Variants in CSGALNACT1 observed in about 807,000 individuals in gnomAD.
CSGALNACT1 encodes chondroitin sulfate N-acetylgalactosaminyltransferase 1, also known as beta4GalNAcT-1.
In CSGALNACT1, 52 loss-of-function variants were observed where a neutral mutation model predicts 51.0. The ratio of observed to expected loss-of-function variants is 1.02; its 90% CI spans 0.82 to 1.29. The LOEUF is 1.29. Among genes scored for constraint, CSGALNACT1 ranks in the 50% most tolerant of loss-of-function variants. CSGALNACT1 has a pLI of 0.00. For synonymous variants in CSGALNACT1, 341 were observed against 254.4 expected, an observed-to-expected ratio of 1.34 and a Z score of -3.24; for missense variants, 935 against 679.2, an observed-to-expected ratio of 1.38 and a Z score of -4.19.
At chr8:19,424,825 G>T (rs902320123) in intron 6 of CSGALNACT1, among the ~76,000 whole-genome samples, 3 of 152,206 alleles carry the variant, frequency 2.0e-5, no homozygotes, top group Non-Finnish European at 4.4e-5. Context: ...TAGTGTGATG[G>T]TGTGGTTTGG....
chr8:19,404,416 T>A, exon 10 of CSGALNACT1: 1 of 453,164 alleles, frequency 2.2e-6, no homozygotes, highest in Non-Finnish European at 4.4e-6. Context: ...AACCACTCTA[T>A]GTTAACTGTA....
intron 3 of CSGALNACT1, among the ~76,000 whole-genome samples, chr8:19,555,423 A>G (rs1437728082): frequency 6.6e-6 from 1 of 152,192 alleles, no homozygotes; most frequent in Non-Finnish European, 1.5e-5. Context: ...AAACTATCAG[A>G]TGCAGTAAGA....
intron 5 of CSGALNACT1, among the ~76,000 whole-genome samples, chr8:19,455,699 T>C (rs979135505): frequency 2.6e-5 from 4 of 152,226 alleles, no homozygotes; most frequent in Non-Finnish European, 5.9e-5. Context: ...CAGAAATGCC[T>C]TGACTGTGAC....
In CSGALNACT1 at chr8:19,528,538, C is replaced by T. The variant is rs139225916; in HGVS notation, c.-296-22408G>A. On this transcript the variant is annotated intron_variant, in intron 3 of 9. Coordinates refer to ENST00000454498, the Ensembl canonical transcript of CSGALNACT1. ...CCTCTTTACTAATTACAACTTTATCCTCATTCTAGACCCCCATAGTAAGAT... is the reference window on the plus strand; with the variant it reads ...CCTCTTTACTAATTACAACTTTATCTTCATTCTAGACCCCCATAGTAAGAT... Among the ~76,000 whole-genome samples, 19 of 152,244 alleles carry T rather than the reference C, an allele frequency of 1.2e-4. No individual in the cohort carries two copies. The East Asian group carries it at 3.7e-3, about 29-fold the overall frequency.
chr8:19,472,858 T>A (rs2068525668), intron 4 of CSGALNACT1, among the ~76,000 whole-genome samples: 1 of 152,222 alleles, frequency 6.6e-6, no homozygotes, highest in Non-Finnish European at 1.5e-5. Flanking sequence ...ATTTAAAATA[T>A]GGAATAATAC....
At chr8:19,590,783 G>T (rs999727038) in intron 3 of CSGALNACT1, among the ~76,000 whole-genome samples, 2 of 151,246 alleles carry the variant, frequency 1.3e-5, no homozygotes, top group Admixed American at 6.6e-5. Context: ...TCATGTAGCT[G>T]GGATTACAGG....
At chr8:19,666,572 G>A (rs1439173939) in intron 1 of CSGALNACT1, among the ~76,000 whole-genome samples, 1 of 151,412 alleles carries the variant, frequency 6.6e-6, no homozygotes, top group Non-Finnish European at 1.5e-5. Flanking sequence ...GTGAGTGCCT[G>A]TAATCCCAGC....
chr8:19,561,035 A>T (rs1564054946), intron 3 of CSGALNACT1, among the ~76,000 whole-genome samples: 1 of 152,256 alleles, frequency 6.6e-6, no homozygotes, highest in Non-Finnish European at 1.5e-5. Context: ...AGCAAGACTC[A>T]AAAGAACATA....
chr8:19,563,271 C>A (rs2041184552), intron 3 of CSGALNACT1, among the ~76,000 whole-genome samples: 1 of 152,046 alleles, frequency 6.6e-6, no homozygotes, highest in Admixed American at 6.6e-5. Context: ...ACAATCGGGT[C>A]TGTCAGGAGG....
intron 1 of CSGALNACT1, among the ~76,000 whole-genome samples, chr8:19,620,482 G>A (rs1052201785): frequency 3.3e-5 from 5 of 150,976 alleles, no homozygotes; most frequent in African/African-American, 7.3e-5. Flanking sequence ...AGGCTGGCTG[G>A]AGTACAGTGG....
chr8:19,726,733 A>G (rs897821503), intron 1 of CSGALNACT1, among the ~76,000 whole-genome samples: 1 of 152,240 alleles, frequency 6.6e-6, no homozygotes, highest in Middle Eastern at 3.2e-3. Context: ...ACTAGAAGAC[A>G]ATGGAAGGAA....
At chr8:19,466,115 A>G (rs1245933991) in intron 4 of CSGALNACT1, among the ~76,000 whole-genome samples, 1 of 152,216 alleles carries the variant, frequency 6.6e-6, no homozygotes, top group Non-Finnish European at 1.5e-5. Flanking sequence ...GAAAAGGGTA[A>G]ATTTTGAAAG....
At chr8:19,625,688 A>T (rs2054359747) in intron 1 of CSGALNACT1, among the ~76,000 whole-genome samples, 1 of 152,190 alleles carries the variant, frequency 6.6e-6, no homozygotes, top group Non-Finnish European at 1.5e-5. Context: ...ATTCTAAACA[A>T]TCTCTTTAAA....
intron 3 of CSGALNACT1, among the ~76,000 whole-genome samples, chr8:19,519,523 C>T (rs1448446412): frequency 2.6e-5 from 4 of 152,196 alleles, no homozygotes; most frequent in African/African-American, 9.6e-5. Context: ...GTTAAGAAAA[C>T]ACGCAGCAGA....
intron 1 of CSGALNACT1, among the ~76,000 whole-genome samples, chr8:19,650,472 A>C (rs1375079126): frequency 6.6e-6 from 1 of 152,234 alleles, no homozygotes; most frequent in Non-Finnish European, 1.5e-5. Context: ...TTTATGCATA[A>C]GTGAGCAATA....
intron 6 of CSGALNACT1, among the ~76,000 whole-genome samples, chr8:19,425,875 C>G (rs1273610893): frequency 1.3e-5 from 2 of 152,130 alleles, no homozygotes; most frequent in Admixed American, 1.3e-4. Flanking sequence ...ATCACTCGGT[C>G]TTTAAGGCCC....
At chr8:19,590,026 A>G (rs1204498248) in intron 3 of CSGALNACT1, among the ~76,000 whole-genome samples, 1 of 152,238 alleles carries the variant, frequency 6.6e-6, no homozygotes, top group Non-Finnish European at 1.5e-5. Context: ...GGTTAGACAT[A>G]TTATAAATGA....
At chr8:19,598,574 A>C (rs1393543471) in intron 2 of CSGALNACT1, among the ~76,000 whole-genome samples, 1 of 152,176 alleles carries the variant, frequency 6.6e-6, no homozygotes, top group East Asian at 1.9e-4. Flanking sequence ...CCTTCCAAAA[A>C]TGATTGCGTC....
At chr8:19,660,945 C>G (rs774554299) in intron 1 of CSGALNACT1, among the ~76,000 whole-genome samples, 16 of 152,184 alleles carry the variant, frequency 1.1e-4, no homozygotes, top group Non-Finnish European at 1.9e-4. Flanking sequence ...CAGAGTCTTG[C>G]TCTGTCGCCC....
Sources: gnomAD v4.1 joint callset for allele counts (sites outside exome capture counted in the v4.1 genomes callset) on GRCh38, gnomAD v4.1.1 for gene constraint, MANE v1.5 for transcripts, NCBI Gene and HGNC (gene_info 2026-07-23, HGNC 2026-07-21) for gene names.